CWC27: variants seen among roughly 807,000 people sequenced by gnomAD.
The protein encoded by CWC27 is CWC27 spliceosome associated cyclophilin, also known as spliceosome-associated protein CWC27 homolog.
Under a neutral mutation model 63.6 loss-of-function variants are expected in CWC27, and 47 were observed. The observed-to-expected ratio is 0.74, with a 90% CI of 0.58 to 0.94. The LOEUF is 0.94. Among genes scored for constraint, CWC27 ranks in the 40% least tolerant of loss-of-function variants. CWC27 has a pLI of 0.00. For synonymous variants in CWC27, 175 were observed against 179.8 expected, an observed-to-expected ratio of 0.97 and a Z score of 0.22; for missense variants, 495 against 554.3, an observed-to-expected ratio of 0.89 and a Z score of 1.07.
intron 11 of CWC27, among the ~76,000 whole-genome samples, chr5:64,925,977 T>C (rs1748103031): frequency 6.6e-6 from 1 of 152,188 alleles, no homozygotes; most frequent in African/African-American, 2.4e-5. Flanking sequence ...TTTCTTAAAC[T>C]ACCTTAGATC....
chr5:64,987,852 C>T (rs935949308), intron 13 of CWC27, among the ~76,000 whole-genome samples: 1 of 152,064 alleles, frequency 6.6e-6, no homozygotes, highest in East Asian at 1.9e-4. Flanking sequence ...TTTTTCTCTA[C>T]GATTTTTTCA....
intron 11 of CWC27, among the ~76,000 whole-genome samples, chr5:64,934,864 CT>C (rs1366734091): frequency 1.3e-5 from 2 of 152,160 alleles, no homozygotes; most frequent in African/African-American, 4.8e-5. Flanking sequence ...TGATGATGAG[CT>C]TTTTTTCATA....
intron 7 of CWC27, among the ~76,000 whole-genome samples, chr5:64,799,283 C>G (rs772815730): frequency 4.6e-5 from 7 of 152,068 alleles, no homozygotes; most frequent in Admixed American, 6.6e-5. Context: ...CAGTGCCTAG[C>G]ACAAAGAATA....
rs373306459 is a variant in CWC27 at position 65,016,300 on chromosome 5, G to A, written c.1257-1859G>A. Among the ~76,000 whole-genome samples, 15 of 152,174 alleles carry A rather than the reference G, an allele frequency of 9.9e-5. No homozygotes were observed. The East Asian group carries it at 2.3e-3, about 23-fold the overall frequency. ...TCCACATGTGAAATAGCATATTCAG[G>A]TATTAAGATCAGTTATGAAATTTGA... On this transcript the variant is annotated intron_variant, in intron 13 of 13. Coordinates refer to ENST00000381070, the MANE Select transcript of CWC27 (RefSeq NM_005869.4).
intron 13 of CWC27, among the ~76,000 whole-genome samples, chr5:65,016,727 T>C (rs553296383): frequency 6.6e-6 from 1 of 152,250 alleles, no homozygotes; most frequent in Non-Finnish European, 1.5e-5. Flanking sequence ...TAAAATCTTT[T>C]TAGGATTCTT....
At chr5:64,842,740 G>A (rs62369324) in intron 10 of CWC27, among the ~76,000 whole-genome samples, 53,570 of 151,832 alleles carry the variant, frequency 0.35, 9,899 homozygotes, top group East Asian at 0.51. Context: ...AGCAGGGACT[G>A]CAGGTGCACA....
chr5:64,812,141 C>T (rs1010675673), intron 10 of CWC27, among the ~76,000 whole-genome samples: 6 of 151,722 alleles, frequency 4.0e-5, no homozygotes, highest in Non-Finnish European at 2.9e-5. Context: ...ACATTGTTTG[C>T]TTTAGGAAAT....
At chr5:65,010,447 C>G (rs950027784) in intron 13 of CWC27, among the ~76,000 whole-genome samples, 2 of 152,174 alleles carry the variant, frequency 1.3e-5, no homozygotes, top group African/African-American at 4.8e-5. Flanking sequence ...AAATCAGATT[C>G]ATTAAAGTTT....
intron 11 of CWC27, among the ~76,000 whole-genome samples, chr5:64,918,519 G>C (rs181840516): frequency 6.6e-6 from 1 of 152,062 alleles, no homozygotes; most frequent in African/African-American, 2.4e-5. Flanking sequence ...TTCAAAACAT[G>C]ATGTTGTACA....
intron 11 of CWC27, among the ~76,000 whole-genome samples, chr5:64,936,107 A>T (rs1748346945): frequency 6.6e-6 from 1 of 152,224 alleles, no homozygotes; most frequent in South Asian, 2.1e-4. Context: ...CTCTTGCCTG[A>T]TTGCCCTGGC....
chr5:64,952,538 T>G lies in CWC27; in HGVS notation c.1043-19165T>G, dbSNP rs551065967. Among the ~76,000 whole-genome samples the G allele has an allele frequency of 3.9e-5, 6 of 152,122 alleles. 1 individual carries two copies. In the South Asian group the frequency reaches 1.2e-3, roughly 32 times the overall value. The stretch of plus-strand genomic sequence containing the variant: ...ATTTAAGAGAAAGCATGGGGCCTTT[T>G]CTTATCTTGCAAATTGTGTGTCTAG... On this transcript the variant is annotated intron_variant, in intron 11 of 13. Transcript: ENST00000381070.
intron 4 of CWC27, among the ~76,000 whole-genome samples, chr5:64,784,535 T>C (rs1743813573): frequency 6.6e-6 from 1 of 152,192 alleles, no homozygotes; most frequent in South Asian, 2.1e-4. Context: ...TTCTCCATTC[T>C]CATAAATATG....
At chr5:64,923,003 A>G (rs1178745690) in intron 11 of CWC27, among the ~76,000 whole-genome samples, 2 of 152,120 alleles carry the variant, frequency 1.3e-5, no homozygotes, top group East Asian at 1.9e-4. Flanking sequence ...TGTTGGTGCC[A>G]GATGTTCTCA....
Position 64,828,848 on chromosome 5 carries a change from A to T in CWC27, c.938+24462A>T, listed in dbSNP as rs535065526. Among the ~76,000 whole-genome samples, 271 of 152,254 alleles carry T rather than the reference A, an allele frequency of 1.8e-3. 1 individual carries two copies. Among genetic ancestry groups the T allele is most frequent in the Middle Eastern group, 6.8e-3 (2 of 294 alleles). ...CAACACATCAAATTCAGAAACAGTT[A>T]CTATATTCACATTATTTCCCTCTAC... On this transcript the variant is annotated intron_variant, in intron 10 of 13. Coordinates refer to ENST00000381070, the MANE Select transcript of CWC27 (RefSeq NM_005869.4).
intron 13 of CWC27, among the ~76,000 whole-genome samples, chr5:64,986,665 A>G (rs266559): frequency 0.45 from 69,017 of 151,774 alleles, 15,872 homozygotes; most frequent in African/African-American, 0.49. Context: ...TCTAGACCTG[A>G]TGCTTTTTGT....
intron 11 of CWC27, among the ~76,000 whole-genome samples, chr5:64,900,245 C>T (rs577477310): frequency 6.6e-6 from 1 of 152,232 alleles, no homozygotes; most frequent in South Asian, 2.1e-4. Context: ...TGGTCACTTT[C>T]TAATTTTAGC....
At chr5:64,989,247 AT>A (rs1749491857) in intron 13 of CWC27, among the ~76,000 whole-genome samples, 1 of 152,146 alleles carries the variant, frequency 6.6e-6, no homozygotes, top group Non-Finnish European at 1.5e-5. Context: ...ATTCTCACAT[AT>A]GTACTGTTCT....
intron 11 of CWC27, among the ~76,000 whole-genome samples, chr5:64,928,581 GACACAC>G (rs147833157): frequency 2.7e-5 from 4 of 149,456 alleles, no homozygotes; most frequent in Non-Finnish European, 4.5e-5. Flanking sequence ...AACAAAGTGT[GACACAC>G]ACACACACAC....
chr5:64,831,389 T>G (rs186242407), intron 10 of CWC27, among the ~76,000 whole-genome samples: 215 of 151,886 alleles, frequency 1.4e-3, no homozygotes, highest in African/African-American at 4.8e-3. Context: ...AGTGTAGTTT[T>G]ATTCAGCATT....
Sources: allele counts gnomAD v4.1 joint callset (sites outside exome capture counted in the v4.1 genomes callset), GRCh38; gene constraint gnomAD v4.1.1; transcripts MANE v1.5; gene names NCBI Gene and HGNC (gene_info 2026-07-23, HGNC 2026-07-21).